ACYP2: variants seen among roughly 807,000 people sequenced by gnomAD.
ACYP2 encodes acylphosphatase 2.
In ACYP2, 12 loss-of-function variants were observed where a neutral mutation model predicts 11.2. That is an observed-to-expected ratio of 1.08 (90% CI 0.69 to 1.74). The LOEUF is 1.74. ACYP2 is among the 40% of genes most tolerant of loss of function. The pLI is 0.00. For synonymous variants in ACYP2, 43 were observed against 32.2 expected, an observed-to-expected ratio of 1.33 and a Z score of -1.13; for missense variants, 134 against 101.9, an observed-to-expected ratio of 1.31 and a Z score of -1.35.
rs554656776 is a variant in ACYP2 at position 54,138,921 on chromosome 2, C to T, written c.404+173C>T. On this transcript the variant is annotated intron_variant, in intron 6 of 6. Transcript: ENST00000607452. The stretch of plus-strand genomic sequence containing the variant: ...CTCCCCGACTCAGCCTCCCAAGTAG[C>T]TGGGACTACAGGTGTGAGCCACCGT... 1.2e-3 allele frequency among the ~76,000 whole-genome samples: 180 copies of T among 152,154 alleles called. 1 individual carries two copies. The highest frequency in any genetic ancestry group is 4.2e-3 in the African/African-American group (175 of 41,550).
chr2:54,000,497 G>C (rs542447594), intron 2 of ACYP2, among the ~76,000 whole-genome samples: 11 of 152,274 alleles, frequency 7.2e-5, no homozygotes, highest in African/African-American at 2.6e-4. Context: ...TTTTCATTTA[G>C]AAAAACCTGT....
At chr2:54,092,881 A>T (rs539540424) in intron 4 of ACYP2, among the ~76,000 whole-genome samples, 1 of 152,200 alleles carries the variant, frequency 6.6e-6, no homozygotes, top group South Asian at 2.1e-4. Flanking sequence ...ACCTACCTTG[A>T]GTTCTTTTAG....
chr2:54,020,911 A>C (rs1673973793), intron 2 of ACYP2, among the ~76,000 whole-genome samples: 2 of 152,238 alleles, frequency 1.3e-5, no homozygotes, highest in South Asian at 4.1e-4. Flanking sequence ...TGTTAAAATA[A>C]ATTTTCAGTG....
intron 4 of ACYP2, 52 bp from the exon 2 acceptor site, chr2:54,135,401 A>G (rs1329016656): frequency 6.4e-7 from 1 of 1,572,964 alleles, no homozygotes; most frequent in Non-Finnish European, 8.7e-7. Context: ...GAAACATATA[A>G]CCTTTTAAAG....
chr2:54,277,153 C>T (rs1037308965), intron 6 of ACYP2, among the ~76,000 whole-genome samples: 5 of 152,242 alleles, frequency 3.3e-5, no homozygotes, highest in East Asian at 1.9e-4. Context: ...GGAGCAGGAT[C>T]GCTGAATCAA....
chr2:54,038,151 A>G (rs1031332036), intron 2 of ACYP2, among the ~76,000 whole-genome samples: 28 of 152,224 alleles, frequency 1.8e-4, no homozygotes, highest in African/African-American at 6.8e-4. Context: ...GTGGGAGGAC[A>G]GATTTATTCT....
intron 2 of ACYP2, among the ~76,000 whole-genome samples, chr2:53,994,532 A>G (rs1453977460): frequency 1.3e-5 from 2 of 149,918 alleles, no homozygotes; most frequent in South Asian, 2.1e-4. Flanking sequence ...AAAAAAAAAA[A>G]GAGGAAACTG....
In ACYP2 at chr2:54,255,197, C is replaced by A. The variant is rs536640374; in HGVS notation, c.405-49491C>A. Reference sequence around the variant, plus strand: ...AGAGTGGAAAAAGACACCACTTGGCCGAAGGATCTGACCTCATACACCTTT... The same window carrying A: ...AGAGTGGAAAAAGACACCACTTGGCAGAAGGATCTGACCTCATACACCTTT... On this transcript the variant is annotated intron_variant, in intron 6 of 6. Coordinates refer to ENST00000607452, the MANE Select transcript of ACYP2 (RefSeq NM_001320586.2). The A allele has an allele frequency of 6.8e-6, 11 of 1,614,132 alleles. No homozygotes were observed. In the East Asian group the frequency reaches 2.2e-4, roughly 33 times the overall value.
chr2:54,007,907 G>A (rs563837523), intron 2 of ACYP2, among the ~76,000 whole-genome samples: 65 of 152,204 alleles, frequency 4.3e-4, no homozygotes, highest in Non-Finnish European at 7.2e-4. Flanking sequence ...AAAAAAGGTG[G>A]TTTAGTTTTG....
At chr2:54,030,356 T>C (rs1674518263) in intron 2 of ACYP2, among the ~76,000 whole-genome samples, 1 of 152,232 alleles carries the variant, frequency 6.6e-6, no homozygotes, top group East Asian at 1.9e-4. Context: ...TCTATTATTT[T>C]GGTTTGCTCC....
chr2:54,103,832 A>G (rs186474920), intron 4 of ACYP2, among the ~76,000 whole-genome samples: 2,124 of 152,364 alleles, frequency 0.014, 18 homozygotes, highest in Middle Eastern at 0.048. Context: ...ATTCATATGC[A>G]GCTTGATGTT....
Position 53,975,818 on chromosome 2 carries a change from C to T in ACYP2, c.62+2008C>T, listed in dbSNP as rs533106123. 5.9e-5 allele frequency among the ~76,000 whole-genome samples: 9 copies of T among 152,064 alleles called. No homozygotes were observed. The East Asian group carries it at 1.4e-3, about 23-fold the overall frequency. Reference sequence around the variant, plus strand: ...CTGCACTCCAGCCTGGGTGACAGAGCGAGACTCTCAAACAAACAAACAAAA... The same window carrying T: ...CTGCACTCCAGCCTGGGTGACAGAGTGAGACTCTCAAACAAACAAACAAAA... On this transcript the variant is annotated intron_variant, in intron 2 of 6. Coordinates refer to ENST00000607452, the MANE Select transcript of ACYP2 (RefSeq NM_001320586.2).
chr2:54,228,993 A>G (rs1296844754), intron 6 of ACYP2, among the ~76,000 whole-genome samples: 1 of 152,114 alleles, frequency 6.6e-6, no homozygotes, highest in East Asian at 1.9e-4. Flanking sequence ...TATCTCCCCT[A>G]CTGAGGGCTG....
chr2:54,304,719 A>T lies in ACYP2; in HGVS notation c.436A>T (p.Ser146Cys), dbSNP rs776132856. ...CTGGCTGAGCAAGGTTGGAAGCCCT[A>T]GTTCTCGCATTGACCGCACAAACTT... The change falls in exon 7 of 7, where the codon AGT becomes TGT. Residue 146 changes from serine (S) to cysteine (C), a missense_variant. By Grantham distance (112) the Ser-to-Cys change is moderately radical. Coordinates refer to ENST00000607452, the MANE Select transcript of ACYP2 (RefSeq NM_001320586.2). 1.1e-5 allele frequency: 18 copies of T among 1,612,010 alleles called. No individual in the cohort carries two copies. Among genetic ancestry groups the T allele is most frequent in the Non-Finnish European group, 1.4e-5 (17 of 1,179,542 alleles).
At chr2:54,158,113 C>T (rs142168932) in intron 6 of ACYP2, among the ~76,000 whole-genome samples, 3 of 151,998 alleles carry the variant, frequency 2.0e-5, no homozygotes, top group African/African-American at 4.8e-5. Flanking sequence ...GCAACCTCTG[C>T]CTCCCAGGTT....
At chr2:54,134,971 T>C (rs940366930) in intron 4 of ACYP2, among the ~76,000 whole-genome samples, 1 of 152,268 alleles carries the variant, frequency 6.6e-6, no homozygotes, top group African/African-American at 2.4e-5. Flanking sequence ...AGCGTCAGCA[T>C]ACAATGTTTT....
chr2:54,138,824 G>C, intron 6 of ACYP2, 76 bp downstream of exon 3: 6 of 1,223,296 alleles, frequency 4.9e-6, no homozygotes, highest in South Asian at 1.4e-5. Context: ...ACATGGTCTT[G>C]CTCTGTTGCC....
chr2:54,258,571 T>G (rs1285077674), intron 6 of ACYP2, among the ~76,000 whole-genome samples: 2 of 152,184 alleles, frequency 1.3e-5, no homozygotes, highest in Non-Finnish European at 2.9e-5. Flanking sequence ...TGACTTAAGT[T>G]TTGCGTGAAT....
chr2:54,156,248 T>G (rs539840129), intron 6 of ACYP2, among the ~76,000 whole-genome samples: 13 of 152,280 alleles, frequency 8.5e-5, no homozygotes, highest in South Asian at 6.2e-4. Context: ...TATAAAAACT[T>G]TAGCATGAAA....
Sources: allele counts gnomAD v4.1 joint callset (sites outside exome capture counted in the v4.1 genomes callset), GRCh38; gene constraint gnomAD v4.1.1; transcripts MANE v1.5; gene names NCBI Gene and HGNC (gene_info 2026-07-23, HGNC 2026-07-21).